The following TRIM4 variants were observed in gnomAD, a reference collection of about 807,000 sequenced individuals.
TRIM4 encodes the protein tripartite motif containing 4.
A neutral mutation model predicts 33.7 loss-of-function variants in TRIM4; 29 were observed. The ratio of observed to expected loss-of-function variants is 0.86; its 90% CI spans 0.64 to 1.17. The LOEUF is 1.17. Among genes scored for constraint, TRIM4 ranks in the 50% most tolerant of loss-of-function variants. TRIM4 has a pLI of 0.00. For synonymous variants in TRIM4, 224 were observed against 233.0 expected (o/e 0.96, Z 0.35); for missense variants, 554 against 593.7 (o/e 0.93, Z 0.69).
At chr7:99,899,706 G>A (rs911216392) in intron 5 of TRIM4, among the ~76,000 whole-genome samples, 3 of 152,140 alleles carry the variant, frequency 2.0e-5, no homozygotes. Context: ...GTTCTCCAAA[G>A]GAACAGAACC....
intron 1 of TRIM4, chr7:99,916,574 AT>A: frequency 1.4e-6 from 1 of 689,780 alleles, no homozygotes; most frequent in Non-Finnish European, 2.6e-6. Context: ...CTGAACTACC[AT>A]CCAAGACTCC....
At chr7:99,908,557 T>A (rs1318270353) in intron 3 of TRIM4, 25 bp downstream of exon 3, 3 of 1,564,202 alleles carry the variant, frequency 1.9e-6, no homozygotes, top group South Asian at 2.3e-5. Flanking sequence ...GAAGATGAGA[T>A]CACCCCCACT....
intron 1 of TRIM4, among the ~76,000 whole-genome samples, chr7:99,911,529 C>G (rs991265727): frequency 2.6e-5 from 4 of 151,970 alleles, no homozygotes; most frequent in African/African-American, 9.7e-5. Context: ...ATAATCTGTA[C>G]AACTTTTTAA....
At chr7:99,893,132 T>C (rs1314421960) in intron 5 of TRIM4, among the ~76,000 whole-genome samples, 1 of 152,124 alleles carries the variant, frequency 6.6e-6, no homozygotes, top group Admixed American at 6.6e-5. Context: ...CCCGGCATGA[T>C]GGTGGGCACC....
At chr7:99,912,892 A>G (rs185175569) in intron 1 of TRIM4, among the ~76,000 whole-genome samples, 4 of 152,370 alleles carry the variant, frequency 2.6e-5, no homozygotes, top group East Asian at 1.9e-4. Flanking sequence ...TCCTAACATT[A>G]TATCATCTAT....
intron 1 of TRIM4, among the ~76,000 whole-genome samples, chr7:99,914,548 A>C (rs914959110): frequency 2.0e-5 from 3 of 152,180 alleles, no homozygotes; most frequent in Non-Finnish European, 4.4e-5. Flanking sequence ...AAATCTGAAC[A>C]CTTCATTGTG....
chr7:99,894,405 C>T (rs1373205644), intron 5 of TRIM4, among the ~76,000 whole-genome samples: 1 of 152,118 alleles, frequency 6.6e-6, no homozygotes, highest in African/African-American at 2.4e-5. Flanking sequence ...GTGGCTCATG[C>T]CTGTAATCCC....
chr7:99,919,529 G>A lies in TRIM4; in HGVS notation c.-128C>T. Reference sequence around the variant, plus strand: ...ACCGCCTCACGTAAAAGGGTACAACGCAGTTTCTCTTCCGGGGTTCAGGAC... The same window carrying A: ...ACCGCCTCACGTAAAAGGGTACAACACAGTTTCTCTTCCGGGGTTCAGGAC... On this transcript the variant is annotated 5_prime_UTR_variant, in exon 1 of 6. Coordinates refer to ENST00000349062, the MANE Select transcript of TRIM4 (RefSeq NM_033091.3). 9.0e-7 allele frequency: 1 copy of A among 1,114,660 alleles called. No homozygotes were observed. Among genetic ancestry groups the A allele is most frequent in the Non-Finnish European group, 1.2e-6 (1 of 821,124 alleles). The allele number at this position is 1,114,660 out of a possible 1,614,324, so 69.0% of individuals were successfully genotyped here.
chr7:99,892,823 A>C, intron 5 of TRIM4, 77 bp from the exon 6 acceptor site: 1 of 1,234,612 alleles, frequency 8.1e-7, no homozygotes, highest in South Asian at 1.5e-5. Flanking sequence ...CTTTTCCAGC[A>C]TCAGTTTCAT....
At chr7:99,916,213 C>T (rs926489117) in intron 1 of TRIM4, among the ~76,000 whole-genome samples, 1 of 152,134 alleles carries the variant, frequency 6.6e-6, no homozygotes, top group African/African-American at 2.4e-5. Flanking sequence ...GTGTATTTTC[C>T]CTTCCATTTA....
chr7:99,918,207 A>T (rs543454836), intron 1 of TRIM4, among the ~76,000 whole-genome samples: 10 of 152,208 alleles, frequency 6.6e-5, no homozygotes, highest in Non-Finnish European at 1.3e-4. Context: ...GGATATTCCA[A>T]ACTGCTATGT....
chr7:99,910,239 G>A (rs1296191141), intron 1 of TRIM4, among the ~76,000 whole-genome samples: 1 of 152,144 alleles, frequency 6.6e-6, no homozygotes, highest in Non-Finnish European at 1.5e-5. Context: ...AAGGCCTCTG[G>A]CACCACAGGA....
intron 5 of TRIM4, among the ~76,000 whole-genome samples, chr7:99,897,286 A>C (rs1448130100): frequency 6.6e-6 from 1 of 152,140 alleles, no homozygotes; most frequent in Non-Finnish European, 1.5e-5. Flanking sequence ...ACTTGCCTCC[A>C]CCTGAAAGAA....
Position 99,908,563 on chromosome 7 carries a change from C to T in TRIM4, c.720+19G>A, listed in dbSNP as rs1472129515. The T allele has an allele frequency of 2.5e-6, 4 of 1,574,454 alleles. No individual in the cohort carries two copies. The highest frequency in any genetic ancestry group is 2.7e-5 in the African/African-American group (2 of 73,892). ...TCAGTTAGTGAAGATGAGATCACCC[C>T]CACTCGTAACTGTCTCACCTGAAGC... On this transcript the variant is annotated intron_variant, in intron 3 of 5. Transcript: ENST00000349062.
intron 1 of TRIM4, 142 bp downstream of exon 1, chr7:99,918,867 T>G: frequency 1.8e-6 from 2 of 1,125,982 alleles, no homozygotes; most frequent in Non-Finnish European, 1.2e-6. Context: ...ATTCGTGTTT[T>G]GCTTAACTTC....
At chr7:99,903,356 G>T (rs757341685) in intron 4 of TRIM4, 41 bp from the exon 5 acceptor site, 1 of 1,512,566 alleles carries the variant, frequency 6.6e-7, no homozygotes. Flanking sequence ...GACAACTAGG[G>T]TAGCCAAGAC....
chr7:99,892,097 G>T lies in TRIM4; in HGVS notation c.*66C>A. The stretch of plus-strand genomic sequence containing the variant: ...GATAGAGACATGAAGGGCAGAAGAG[G>T]GCCCAGGGATGTGTGTCCCTCAGCT... On this transcript the variant is annotated 3_prime_UTR_variant, in exon 6 of 6. Transcript: ENST00000349062. 7.2e-7 allele frequency: 1 copy of T among 1,385,138 alleles called. No individual in the cohort carries two copies. Among genetic ancestry groups the T allele is most frequent in the South Asian group, 1.4e-5 (1 of 72,618 alleles). 85.8% of individuals were successfully genotyped at this position (1,385,138 alleles called of 1,614,324 possible).
chr7:99,915,410 C>A (rs893228739), intron 1 of TRIM4, among the ~76,000 whole-genome samples: 20 of 152,226 alleles, frequency 1.3e-4, no homozygotes, highest in African/African-American at 4.8e-4. Flanking sequence ...CTTTTCCATG[C>A]AAACAATTTG....
chr7:99,919,404 T>G lies in TRIM4; in HGVS notation c.-3A>C. 6.5e-7 allele frequency: 1 copy of G among 1,537,154 alleles called. No individual in the cohort carries two copies. Among genetic ancestry groups the G allele is most frequent in the Non-Finnish European group, 8.7e-7 (1 of 1,144,338 alleles). On this transcript the variant is annotated 5_prime_UTR_variant, in exon 1 of 6. Transcript: ENST00000349062. ...TCCTGGATGTCCTCAGCTTCCATGCTGCTTCCCTGCCGCGGAGACGGAGTC... is the reference window on the plus strand; with the variant it reads ...TCCTGGATGTCCTCAGCTTCCATGCGGCTTCCCTGCCGCGGAGACGGAGTC...
Sources: allele counts gnomAD v4.1 joint callset (sites outside exome capture counted in the v4.1 genomes callset), GRCh38; gene constraint gnomAD v4.1.1; transcripts MANE v1.5; gene names NCBI Gene and HGNC (gene_info 2026-07-23, HGNC 2026-07-21).